The following GLOD5 variants were observed in gnomAD, a reference collection of about 807,000 sequenced individuals.
The protein encoded by GLOD5 is glyoxalase domain containing 5.
In GLOD5, 7 loss-of-function variants were observed where a neutral mutation model predicts 9.9. The ratio of observed to expected loss-of-function variants is 0.71; its 90% CI spans 0.40 to 1.33. The LOEUF is 1.33. Among genes scored for constraint, GLOD5 ranks in the 40% most tolerant of loss-of-function variants. The pLI is 0.01. For missense variants in GLOD5, 146 were observed against 128.4 expected (o/e 1.14, Z -0.66); for synonymous variants, 49 against 47.3 (o/e 1.04, Z -0.14).
chrX:48,766,433 T>C, intron 2 of GLOD5, among the ~76,000 whole-genome samples: 1 of 112,083 alleles, frequency 8.9e-6, no homozygotes, highest in Non-Finnish European at 1.9e-5. Flanking sequence ...TAGAATTCTA[T>C]GTCCAACCAA....
At chrX:48,765,602 A>AAT in intron 1 of GLOD5, 1 of 392,917 alleles carries the variant, frequency 2.5e-6, no homozygotes, top group Non-Finnish European at 4.6e-6. Flanking sequence ...AAAAAAAAAA[A>AAT]GAAAAGGAAA....
chrX:48,769,341 C>CAAA (rs782793826), intron 2 of GLOD5, among the ~76,000 whole-genome samples: 1 of 39,977 alleles, frequency 2.5e-5, no homozygotes, highest in Non-Finnish European at 5.0e-5. Context: ...ACTGTCTCTA[C>CAAA]AAAAAAAAAA....
At chrX:48,768,170 G>A (rs782187409) in intron 2 of GLOD5, among the ~76,000 whole-genome samples, 5 of 112,077 alleles carry the variant, frequency 4.5e-5, no homozygotes, top group Non-Finnish European at 9.4e-5. Flanking sequence ...ATCTAACATG[G>A]AACCTTATGC....
chrX:48,770,780 G>C, intron 2 of GLOD5, 147 bp from the exon 3 acceptor site: 1 of 403,062 alleles, frequency 2.5e-6, no homozygotes, highest in Non-Finnish European at 4.2e-6. Context: ...AATGAGCCTT[G>C]GGTGGGGCAA....
chrX:48,773,065 G>A lies in GLOD5; in HGVS notation c.358-245G>A, dbSNP rs188341166. Among the ~76,000 whole-genome samples, 13 of 109,730 alleles carry A rather than the reference G, an allele frequency of 1.2e-4. No homozygotes were observed. The South Asian group carries it at 1.6e-3, about 13-fold the overall frequency. ...AGCCTGGGCAGCACAGCAAGACCTC[G>A]TCTCTATGAAAAATAGCTGGGCATG... On this transcript the variant is annotated intron_variant, in intron 3 of 3. Coordinates refer to ENST00000303227, the MANE Select transcript of GLOD5 (RefSeq NM_001080489.3).
At position 48,770,968 on chromosome X, in the gene GLOD5, C is replaced by A; in HGVS notation, c.243C>A (p.Asn81Lys). ...KALCFGDQKF[N>K]LHEVGKEFEP... Reference sequence around the variant, plus strand: ...TGTGTTTTGGAGACCAGAAATTTAACCTCCACGAGGTGGGAAAGGAATTTG... The same window carrying A: ...TGTGTTTTGGAGACCAGAAATTTAAACTCCACGAGGTGGGAAAGGAATTTG... The change falls in exon 3 of 4, where the codon AAC becomes AAA. Residue 81 changes from asparagine to lysine, a missense_variant. By Grantham distance (94) the Asn-to-Lys change is moderately conservative (BLOSUM62 0). Transcript: ENST00000303227. The A allele has an allele frequency of 2.5e-6, 3 of 1,199,773 alleles. No individual in the cohort carries two copies. Among genetic ancestry groups the A allele is most frequent in the Non-Finnish European group, 3.4e-6 (3 of 888,789 alleles).
chrX:48,773,588 C>G lies in GLOD5; in HGVS notation c.*153C>G. 1 of 539,218 alleles carries G rather than the reference C, an allele frequency of 1.9e-6. No individual in the cohort carries two copies. Among genetic ancestry groups the G allele is most frequent in the East Asian group, 3.5e-5 (1 of 28,609 alleles). The allele number at this position is 539,218 out of a possible 1,213,427, so 44.4% of individuals were successfully genotyped here. ...GGGGGACCCAAGACAGGTTTGGGAC[C>G]AAACCTACATGTCTGTATGTCATCA... On this transcript the variant is annotated 3_prime_UTR_variant, in exon 4 of 4. Transcript: ENST00000303227.
chrX:48,764,696 C>T (rs1234719266), intron 1 of GLOD5, among the ~76,000 whole-genome samples: 5 of 108,474 alleles, frequency 4.6e-5, no homozygotes, highest in African/African-American at 1.3e-4. Context: ...TACACGTGAG[C>T]GCCCCACAAC....
intron 3 of GLOD5, 50 bp from the exon 4 acceptor site, chrX:48,773,260 C>G (rs1170274276): frequency 8.4e-7 from 1 of 1,184,965 alleles, no homozygotes. Context: ...AAATTTTGGT[C>G]TCACACACAC....
rs2062620469 is a variant in GLOD5, at chrX:48,770,861, T to A, written c.202-66T>A. On this transcript the variant is annotated intron_variant, in intron 2 of 3. Transcript: ENST00000303227. ...ACCTTGTTGGGATAGGTGGAAAGGC[T>A]TCATCTCACACTCATCTTGGAGGTT... 6.8e-6 allele frequency: 6 copies of A among 884,668 alleles called. 1 individual carries two copies. In the Admixed American group the frequency reaches 2.5e-4, roughly 37 times the overall value. 72.9% of individuals were successfully genotyped at this position (884,668 alleles called of 1,213,427 possible). A position where few individuals can be genotyped will look rare whatever the true frequency, so the allele number is the denominator to read the frequency against.
chrX:48,767,575 T>C (rs1377161142), intron 2 of GLOD5, among the ~76,000 whole-genome samples: 1 of 111,506 alleles, frequency 9.0e-6, no homozygotes, highest in Non-Finnish European at 1.9e-5. Context: ...ACAGGCATGG[T>C]GGCGGGCGCC....
intron 2 of GLOD5, among the ~76,000 whole-genome samples, chrX:48,768,027 G>A (rs2062613530): frequency 8.9e-6 from 1 of 111,813 alleles, no homozygotes; most frequent in East Asian, 2.8e-4. Context: ...GTATACTGGT[G>A]CGATCACAGT....
chrX:48,766,361 A>G (rs1289271618), intron 2 of GLOD5: 1 of 136,983 alleles, frequency 7.3e-6, no homozygotes, highest in African/African-American at 3.2e-5. Flanking sequence ...AGATTTTCCA[A>G]GAGACCAGAG....
At chrX:48,765,649 G>A (rs2062607258) in intron 1 of GLOD5, 186 bp from the exon 2 acceptor site, 4 of 528,334 alleles carry the variant, frequency 7.6e-6, no homozygotes, top group Non-Finnish European at 1.0e-5. Flanking sequence ...GTAGACATGT[G>A]GGCTCTCATG....
At chrX:48,768,925 G>A (rs782414749) in intron 2 of GLOD5, among the ~76,000 whole-genome samples, 1 of 109,220 alleles carries the variant, frequency 9.2e-6, no homozygotes, top group East Asian at 2.9e-4. Flanking sequence ...AGCTACTCGG[G>A]AGGCTGAGGC....
chrX:48,767,786 T>C (rs1358934690), intron 2 of GLOD5, among the ~76,000 whole-genome samples: 1 of 111,165 alleles, frequency 9.0e-6, no homozygotes, highest in Non-Finnish European at 1.9e-5. Flanking sequence ...AAATGCATAT[T>C]ACTAAGTAAA....
chrX:48,765,136 T>TA (rs2062605589), intron 1 of GLOD5, among the ~76,000 whole-genome samples: 1 of 110,470 alleles, frequency 9.1e-6, no homozygotes, highest in Admixed American at 9.8e-5. Context: ...GGGGGCTGGG[T>TA]AAAATTGGCC....
chrX:48,771,198 T>A, intron 3 of GLOD5, 116 bp downstream of exon 3: 1 of 449,668 alleles, frequency 2.2e-6, no homozygotes. Flanking sequence ...CACACAGTTA[T>A]GTACTATTTT....
At chrX:48,769,814 C>T (rs868960116) in intron 2 of GLOD5, among the ~76,000 whole-genome samples, 1 of 103,140 alleles carries the variant, frequency 9.7e-6, no homozygotes, top group African/African-American at 3.6e-5. Flanking sequence ...CCGGTCTCTA[C>T]AAAAAATAAA....
Sources: gnomAD v4.1 joint callset for allele counts (sites outside exome capture counted in the v4.1 genomes callset) on GRCh38, gnomAD v4.1.1 for gene constraint, MANE v1.5 for transcripts, NCBI Gene and HGNC (gene_info 2026-07-23, HGNC 2026-07-21) for gene names.